Variants in SIPA1L2 observed in about 807,000 individuals in gnomAD.
SIPA1L2 encodes the protein signal induced proliferation associated 1 like 2.
A neutral mutation model predicts 163.9 loss-of-function variants in SIPA1L2; 56 were observed. That is an observed-to-expected ratio of 0.34 (90% CI 0.28 to 0.43). The LOEUF (loss-of-function observed/expected upper bound fraction) is 0.43. Ranked by LOEUF, SIPA1L2 falls within the 20% of genes least tolerant of loss-of-function variation. SIPA1L2 has a pLI of 1.00. For synonymous variants in SIPA1L2, 877 were observed against 865.7 expected, an observed-to-expected ratio of 1.01 and a Z score of -0.23; for missense variants, 1,974 against 2,193.5, an observed-to-expected ratio of 0.90 and a Z score of 2.00.
chr1:232,545,692 G>C (rs1188762398), intron 2 of SIPA1L2, among the ~76,000 whole-genome samples: 2 of 152,026 alleles, frequency 1.3e-5, no homozygotes, highest in African/African-American at 4.8e-5. Context: ...ATTATTAACC[G>C]TTTGATATAC....
intron 16 of SIPA1L2, 41 bp downstream of exon 16, chr1:232,432,206 G>C: frequency 6.4e-7 from 1 of 1,553,294 alleles, no homozygotes; most frequent in Non-Finnish European, 8.8e-7. Flanking sequence ...AATCCCTACA[G>C]TGAAAAATGC....
chr1:232,586,934 A>C (rs888109300), intron 1 of SIPA1L2, among the ~76,000 whole-genome samples: 2 of 152,166 alleles, frequency 1.3e-5, no homozygotes, highest in Non-Finnish European at 2.9e-5. Flanking sequence ...TTATTTTTGG[A>C]GTATGTCTAC....
chr1:232,416,694 A>G (rs905906287), intron 18 of SIPA1L2, among the ~76,000 whole-genome samples: 1 of 152,220 alleles, frequency 6.6e-6, no homozygotes, highest in Non-Finnish European at 1.5e-5. Context: ...TTATCAATAC[A>G]TGAGATTGAG....
At chr1:232,551,564 AT>A (rs1248406410) in intron 2 of SIPA1L2, among the ~76,000 whole-genome samples, 2 of 152,228 alleles carry the variant, frequency 1.3e-5, no homozygotes, top group Non-Finnish European at 2.9e-5. Flanking sequence ...AGCGGTGGGA[AT>A]TTCCAGGAAG....
In SIPA1L2 at chr1:232,601,133, C is replaced by G. The variant is rs149906126; in HGVS notation, c.-318-26911G>C. ...TTAGACTAGTGAGGTGGCCTATTCA[C>G]TCAGCCCCCAGGCTGGGCCCTGGGA... On this transcript the variant is annotated intron_variant, in intron 1 of 22. Coordinates refer to ENST00000674635, the MANE Select transcript of SIPA1L2 (RefSeq NM_020808.5). 2.4e-3 allele frequency among the ~76,000 whole-genome samples: 361 copies of G among 152,308 alleles called. 3 individuals are homozygous for G. Among genetic ancestry groups the G allele is most frequent in the African/African-American group, 7.2e-3 (298 of 41,566 alleles).
At chr1:232,487,146 C>T (rs1171798854) in intron 5 of SIPA1L2, among the ~76,000 whole-genome samples, 1 of 152,194 alleles carries the variant, frequency 6.6e-6, no homozygotes, top group African/African-American at 2.4e-5. Flanking sequence ...TACATACTGC[C>T]CAGACAGCAG....
intron 19 of SIPA1L2, among the ~76,000 whole-genome samples, chr1:232,409,132 T>A (rs537175413): frequency 6.6e-6 from 1 of 152,170 alleles, no homozygotes; most frequent in African/African-American, 2.4e-5. Flanking sequence ...TTATAATAGA[T>A]CTTTTGGTTG....
chr1:232,582,060 G>T (rs1660407485), intron 1 of SIPA1L2, among the ~76,000 whole-genome samples: 1 of 152,206 alleles, frequency 6.6e-6, no homozygotes, highest in Non-Finnish European at 1.5e-5. Flanking sequence ...GAAGCCTTAT[G>T]CATAATAATA....
At chr1:232,614,336 A>G (rs1426562434) in intron 1 of SIPA1L2, among the ~76,000 whole-genome samples, 1 of 152,230 alleles carries the variant, frequency 6.6e-6, no homozygotes, top group Non-Finnish European at 1.5e-5. Flanking sequence ...GGCACCATAA[A>G]TCAGCAGGCC....
intron 2 of SIPA1L2, among the ~76,000 whole-genome samples, chr1:232,525,881 G>A (rs1667682581): frequency 6.6e-6 from 1 of 152,174 alleles, no homozygotes; most frequent in South Asian, 2.1e-4. Context: ...GCAGACGCCT[G>A]GATAGGCAGG....
chr1:232,424,823 T>G (rs1393209428), intron 18 of SIPA1L2, among the ~76,000 whole-genome samples: 1 of 152,058 alleles, frequency 6.6e-6, no homozygotes, highest in South Asian at 2.1e-4. Context: ...TTTTCTGTGA[T>G]GAAATGAAAA....
intron 2 of SIPA1L2, among the ~76,000 whole-genome samples, chr1:232,558,597 C>T (rs1444329361): frequency 6.6e-6 from 1 of 152,176 alleles, no homozygotes; most frequent in Non-Finnish European, 1.5e-5. Flanking sequence ...TTAAAGCAAC[C>T]AAGTCTGAGA....
At chr1:232,469,206 C>A (rs984740081) in intron 8 of SIPA1L2, among the ~76,000 whole-genome samples, 4 of 152,194 alleles carry the variant, frequency 2.6e-5, no homozygotes, top group African/African-American at 9.7e-5. Context: ...CCACTCAACA[C>A]CCGAAAAAAG....
At chr1:232,570,039 C>T (rs922843621) in intron 2 of SIPA1L2, among the ~76,000 whole-genome samples, 1 of 152,164 alleles carries the variant, frequency 6.6e-6, no homozygotes, top group African/African-American at 2.4e-5. Flanking sequence ...CAAAACAGCA[C>T]CTTTCTGATA....
chr1:232,494,225 A>C (rs1666066129), intron 3 of SIPA1L2, among the ~76,000 whole-genome samples: 2 of 152,262 alleles, frequency 1.3e-5, no homozygotes, highest in African/African-American at 4.8e-5. Context: ...TTAGCAACAG[A>C]AAATACACAA....
intron 3 of SIPA1L2, among the ~76,000 whole-genome samples, chr1:232,498,867 T>C (rs115708508): frequency 0.011 from 1,704 of 152,206 alleles, 35 homozygotes; most frequent in African/African-American, 0.038. Context: ...CATGAGGGAG[T>C]GTACACAAAT....
At chr1:232,430,248 A>G (rs1346053427) in intron 16 of SIPA1L2, among the ~76,000 whole-genome samples, 4 of 152,252 alleles carry the variant, frequency 2.6e-5, no homozygotes, top group South Asian at 4.1e-4. Flanking sequence ...GCGGGTGCAG[A>G]GAACAATCCC....
chr1:232,628,062 A>T (rs1280060303), intron 1 of SIPA1L2, among the ~76,000 whole-genome samples: 1 of 152,238 alleles, frequency 6.6e-6, no homozygotes, highest in Non-Finnish European at 1.5e-5. Context: ...CGTATAAATA[A>T]GTTTGCCTAC....
chr1:232,603,795 C>G (rs1477755669), intron 1 of SIPA1L2, among the ~76,000 whole-genome samples: 1 of 152,106 alleles, frequency 6.6e-6, no homozygotes, highest in Non-Finnish European at 1.5e-5. Context: ...GCTCTAACAC[C>G]AGCCACATCA....
Sources: gnomAD v4.1 joint callset for allele counts (sites outside exome capture counted in the v4.1 genomes callset) on GRCh38, gnomAD v4.1.1 for gene constraint, MANE v1.5 for transcripts, NCBI Gene and HGNC (gene_info 2026-07-23, HGNC 2026-07-21) for gene names.